The following SNX29 variants were observed in gnomAD, a reference collection of about 807,000 sequenced individuals.
The protein encoded by SNX29 is sorting nexin-29.
Under a neutral mutation model 102.1 loss-of-function variants are expected in SNX29, and 78 were observed. The ratio of observed to expected loss-of-function variants is 0.76; its 90% CI spans 0.64 to 0.92. SNX29 has a LOEUF of 0.92. SNX29 is among the 40% of genes least tolerant of loss of function. The pLI, the probability that SNX29 is intolerant of heterozygous loss-of-function variation, is 0.00. For missense variants in SNX29, 1,280 were observed against 1,061.7 expected (o/e 1.21, Z -2.86); for synonymous variants, 580 against 414.5 (o/e 1.40, Z -4.85).
At chr16:12,559,328 A>T (rs1185208040) in intron 20 of SNX29, among the ~76,000 whole-genome samples, 1 of 151,866 alleles carries the variant, frequency 6.6e-6, no homozygotes, top group Non-Finnish European at 1.5e-5. Flanking sequence ...TGCCCATGTG[A>T]GGGATCTAGG....
At chr16:12,322,156 C>T (rs2080959117) in intron 15 of SNX29, among the ~76,000 whole-genome samples, 1 of 152,188 alleles carries the variant, frequency 6.6e-6, no homozygotes, top group South Asian at 2.1e-4. Flanking sequence ...ATGCTTGTCC[C>T]TGCGTCCTAA....
At chr16:12,186,582 G>A (rs1241867144) in intron 13 of SNX29, among the ~76,000 whole-genome samples, 2 of 152,162 alleles carry the variant, frequency 1.3e-5, no homozygotes, top group Admixed American at 1.3e-4. Flanking sequence ...CACCAATGGG[G>A]CCAATTTAAC....
intron 18 of SNX29, among the ~76,000 whole-genome samples, chr16:12,417,937 C>T (rs1030148760): frequency 4.6e-5 from 7 of 152,132 alleles, no homozygotes; most frequent in African/African-American, 7.2e-5. Context: ...CTTGGTACTC[C>T]GCACTGTCTG....
At chr16:12,005,951 T>C (rs1427170560) in intron 3 of SNX29, among the ~76,000 whole-genome samples, 1 of 152,224 alleles carries the variant, frequency 6.6e-6, no homozygotes, top group Non-Finnish European at 1.5e-5. Flanking sequence ...TAACCTTTGT[T>C]ATAGAAAATG....
At chr16:12,069,826 G>C (rs1465448855) in intron 10 of SNX29, among the ~76,000 whole-genome samples, 1 of 152,120 alleles carries the variant, frequency 6.6e-6, no homozygotes, top group African/African-American at 2.4e-5. Context: ...GAGTAGCTGG[G>C]ACTACAGGCG....
intron 11 of SNX29, among the ~76,000 whole-genome samples, chr16:12,115,304 G>T (rs2053650040): frequency 6.6e-6 from 1 of 152,116 alleles, no homozygotes; most frequent in Non-Finnish European, 1.5e-5. Flanking sequence ...GGAAGAAAGT[G>T]GGTTTCTCAG....
intron 19 of SNX29, among the ~76,000 whole-genome samples, chr16:12,505,864 C>G (rs1445196811): frequency 6.7e-6 from 1 of 149,904 alleles, no homozygotes; most frequent in Non-Finnish European, 1.5e-5. Context: ...GATATTAAGT[C>G]TTCCCAGCCA....
At chr16:12,340,760 C>T (rs962376301) in intron 15 of SNX29, among the ~76,000 whole-genome samples, 5 of 152,112 alleles carry the variant, frequency 3.3e-5, no homozygotes, top group Admixed American at 1.3e-4. Flanking sequence ...TTAGGTCACC[C>T]GGAGCATGTG....
chr16:12,291,379 C>T (rs1414521934), intron 15 of SNX29, among the ~76,000 whole-genome samples: 2 of 152,138 alleles, frequency 1.3e-5, no homozygotes, highest in South Asian at 2.1e-4. Context: ...TGTCAGATCT[C>T]GTGAGACTTG....
chr16:12,022,400 C>T (rs1042383655), intron 3 of SNX29, among the ~76,000 whole-genome samples: 1 of 152,004 alleles, frequency 6.6e-6, no homozygotes, highest in Non-Finnish European at 1.5e-5. Context: ...GGAGTTTTGC[C>T]ATGTTGGCCA....
chr16:12,058,251 A>G (rs1466484816), intron 8 of SNX29, among the ~76,000 whole-genome samples: 1 of 152,190 alleles, frequency 6.6e-6, no homozygotes, highest in Non-Finnish European at 1.5e-5. Flanking sequence ...TGACACAGTA[A>G]TGTTTTGGAT....
In SNX29 at chr16:12,574,156, T is replaced by TAAA. The variant is rs1567233025; in HGVS notation, c.*5529_*5530insAAA. The TAAA allele has an allele frequency of 1.1e-5, 2 of 181,290 alleles. No homozygotes were observed. The highest frequency in any genetic ancestry group is 6.3e-5 in the Admixed American group (1 of 15,926). The allele number at this position is 181,290 out of a possible 1,614,324, so 11.2% of individuals were successfully genotyped here. ...AATAGGATTTTTAAACAAATGTGTT[T>TAAA]AATTTTTTAAGATCTCTTGTATTAA... is the stretch of plus-strand genomic sequence containing the variant. On this transcript the variant is annotated 3_prime_UTR_variant, in exon 21 of 21. Coordinates refer to ENST00000566228, the MANE Select transcript of SNX29 (RefSeq NM_032167.5).
intron 14 of SNX29, among the ~76,000 whole-genome samples, chr16:12,223,557 G>A (rs1316291537): frequency 6.6e-6 from 1 of 152,160 alleles, no homozygotes; most frequent in Non-Finnish European, 1.5e-5. Context: ...CCAGCTACTC[G>A]GGAGGCTGAG....
chr16:12,016,356 G>A (rs1051090129), intron 3 of SNX29, among the ~76,000 whole-genome samples: 1 of 152,074 alleles, frequency 6.6e-6, no homozygotes, highest in African/African-American at 2.4e-5. Context: ...CAGGAGTTGG[G>A]TTGCTGAGTC....
chr16:12,362,093 T>G (rs1321229943), intron 16 of SNX29, among the ~76,000 whole-genome samples: 1 of 152,260 alleles, frequency 6.6e-6, no homozygotes, highest in Non-Finnish European at 1.5e-5. Context: ...TTAGAGATCT[T>G]CTAATTTTAC....
Position 12,022,202 on chromosome 16 carries a change from C to CT in SNX29, c.123-5107dup, listed in dbSNP as rs536499880. Among the ~76,000 whole-genome samples the CT allele has an allele frequency of 5.0e-3, 597 of 119,106 alleles. 7 individuals are homozygous for CT. Among genetic ancestry groups the CT allele is most frequent in the African/African-American group, 0.017 (518 of 31,182 alleles). 78.1% of individuals were successfully genotyped at this position (119,106 alleles called of 152,430 possible). A position where few individuals can be genotyped will look rare whatever the true frequency, so the allele number is the denominator to read the frequency against. ...TTTTTTCAATTCAGTGATTTTTGTG[C>CT]TTTTTTTTTTTCTTTGAGGCAGAGT... On this transcript the variant is annotated intron_variant, in intron 3 of 20. Coordinates refer to ENST00000566228, the MANE Select transcript of SNX29 (RefSeq NM_032167.5).
intron 14 of SNX29, among the ~76,000 whole-genome samples, chr16:12,225,308 C>G (rs1227714598): frequency 6.6e-6 from 1 of 152,040 alleles, no homozygotes; most frequent in Non-Finnish European, 1.5e-5. Flanking sequence ...GTGTCCCCAT[C>G]CAAATCTCAT....
At chr16:12,563,653 T>G (rs1318139083) in intron 20 of SNX29, among the ~76,000 whole-genome samples, 1 of 151,992 alleles carries the variant, frequency 6.6e-6, no homozygotes, top group East Asian at 1.9e-4. Context: ...AGGAACTGAG[T>G]CTTTTCAATT....
At chr16:12,536,311 G>A (rs948287192) in intron 20 of SNX29, among the ~76,000 whole-genome samples, 1 of 152,214 alleles carries the variant, frequency 6.6e-6, no homozygotes, top group Non-Finnish European at 1.5e-5. Flanking sequence ...GGGAAGACAG[G>A]TTGAGAAATT....
Sources: gnomAD v4.1 joint callset for allele counts (sites outside exome capture counted in the v4.1 genomes callset) on GRCh38, gnomAD v4.1.1 for gene constraint, MANE v1.5 for transcripts, NCBI Gene and HGNC (gene_info 2026-07-23, HGNC 2026-07-21) for gene names.